Variants in SCRN3 observed in about 807,000 individuals in gnomAD.
SCRN3 encodes the protein secernin 3.
SCRN3 carries 39 observed loss-of-function variants against 43.1 expected under a neutral mutation model. The observed-to-expected ratio is 0.91, with a 90% CI of 0.70 to 1.18. The LOEUF is 1.18. SCRN3 is among the 50% of genes most tolerant of loss of function. SCRN3 has a pLI of 0.00. For synonymous variants in SCRN3, 147 were observed against 163.1 expected, an observed-to-expected ratio of 0.90 and a Z score of 0.75; for missense variants, 484 against 498.0, an observed-to-expected ratio of 0.97 and a Z score of 0.27.
Position 174,398,333 on chromosome 2 carries a change from T to C in SCRN3, c.50T>C (p.Val17Ala). The C allele has an allele frequency of 3.1e-6, 5 of 1,605,840 alleles. No homozygotes were observed. Among genetic ancestry groups the C allele is most frequent in the Non-Finnish European group, 4.2e-6 (5 of 1,177,236 alleles). ...DTFVALPPAT[V>A]DNRIIFGKNS... is the part of the protein sequence containing the mutation. ...TTCGTGGCATTACCTCCAGCAACAG[T>C]CGATAACAGGATTATTTTTGGAAAA... The change falls in exon 2 of 8, where the codon GTC becomes GCC. Residue 17 changes from valine (V) to alanine (A), a missense_variant. By Grantham distance (64) the Val-to-Ala change is moderately conservative. Coordinates refer to ENST00000272732, the MANE Select transcript of SCRN3 (RefSeq NM_024583.5).
intron 5 of SCRN3, among the ~76,000 whole-genome samples, chr2:174,414,100 G>A (rs951853552): frequency 6.6e-5 from 10 of 152,052 alleles, no homozygotes; most frequent in African/African-American, 2.4e-4. Flanking sequence ...TTTGTTAATT[G>A]TAAAGAGCCT....
chr2:174,417,668 C>A (rs950126911), intron 5 of SCRN3, among the ~76,000 whole-genome samples: 1 of 152,218 alleles, frequency 6.6e-6, no homozygotes, highest in Non-Finnish European at 1.5e-5. Flanking sequence ...GCTGGAATTA[C>A]AGGCGTCAGC....
At chr2:174,398,951 C>G (rs1339578558) in intron 2 of SCRN3, among the ~76,000 whole-genome samples, 1 of 152,148 alleles carries the variant, frequency 6.6e-6, no homozygotes, top group Non-Finnish European at 1.5e-5. Flanking sequence ...GGAAAGTCAT[C>G]CCAGACTTTA....
chr2:174,397,421 A>AGAG, intron 1 of SCRN3: 2 of 874,422 alleles, frequency 2.3e-6, no homozygotes, highest in Non-Finnish European at 2.7e-6. Context: ...TAGATATTAA[A>AGAG]GTATATAATT....
rs768272512 is a variant in SCRN3, at chr2:174,427,791, A to G, written c.1171A>G (p.Asn391Asp). The G allele has an allele frequency of 6.8e-6, 11 of 1,612,202 alleles. No homozygotes were observed. Among genetic ancestry groups the G allele is most frequent in the Non-Finnish European group, 8.5e-6 (10 of 1,178,606 alleles). Residue 391 changes from asparagine (N) to aspartate (D), a missense_variant, in exon 8 of 8, where the codon AAC (asparagine) becomes GAC (aspartate). Transcript: ENST00000272732. ...LFREMESILQ[N>D]KHLDVEKIVN... ...CAGAGAGATGGAATCAATCCTTCAA[A>G]ACAAGCATCTTGATGTGGAGAAAAT...
In SCRN3 at chr2:174,403,569, T is replaced by C. The variant is rs75211591; in HGVS notation, c.542-534T>C. Among the ~76,000 whole-genome samples the C allele has an allele frequency of 5.4e-4, 82 of 152,300 alleles. 1 individual carries two copies. In the East Asian group the frequency reaches 0.012, roughly 23 times the overall value. On this transcript the variant is annotated intron_variant, in intron 4 of 7. Coordinates refer to ENST00000272732, the MANE Select transcript of SCRN3 (RefSeq NM_024583.5). ...CTATTGATATATACAATAACATAGATGAATCTTTAGCGAATTGTGCTCAGT... is the reference window on the plus strand; with the variant it reads ...CTATTGATATATACAATAACATAGACGAATCTTTAGCGAATTGTGCTCAGT...
In SCRN3 at chr2:174,401,058, A is replaced by G; in HGVS notation, c.410A>G (p.Tyr137Cys). The G allele has an allele frequency of 3.7e-6, 6 of 1,613,876 alleles. No individual in the cohort carries two copies. The highest frequency in any genetic ancestry group is 1.3e-5 in the African/African-American group (1 of 75,046). Residue 137 changes from tyrosine to cysteine, a missense_variant, in exon 4 of 8, where the codon TAT becomes TGT. Coordinates refer to ENST00000272732, the MANE Select transcript of SCRN3 (RefSeq NM_024583.5). Reference sequence around the variant, plus strand: ...GTCATTGTTGACTTACTAGAAAAATATGGCCAGGGTGGAAATTGCACAGAG... The same window carrying G: ...GTCATTGTTGACTTACTAGAAAAATGTGGCCAGGGTGGAAATTGCACAGAG... ...LNVIVDLLEK[Y>C]GQGGNCTEGR...
intron 7 of SCRN3, among the ~76,000 whole-genome samples, chr2:174,427,065 C>T (rs945713494): frequency 9.2e-5 from 14 of 151,994 alleles, no homozygotes; most frequent in African/African-American, 2.9e-4. Flanking sequence ...CTCCTGACCT[C>T]GTGATCCACC....
rs1685485516 is a variant in SCRN3 at position 174,400,907 on chromosome 2, T to TA, written c.342-77dup. On this transcript the variant is annotated intron_variant, in intron 3 of 7. Coordinates refer to ENST00000272732, the MANE Select transcript of SCRN3 (RefSeq NM_024583.5). ...CTTGGAAGAAATTTTACTTTGAATCTAAAAAATCTCATGAGCATGAAATTA... is the reference window on the plus strand; with the variant it reads ...CTTGGAAGAAATTTTACTTTGAATCTAAAAAAATCTCATGAGCATGAAATTA... The TA allele has an allele frequency of 3.4e-6, 4 of 1,193,074 alleles. No homozygotes were observed. The Admixed American group carries it at 8.5e-5, about 25-fold the overall frequency. 73.9% of individuals were successfully genotyped at this position (1,193,074 alleles called of 1,614,324 possible).
At chr2:174,423,086 G>T in intron 6 of SCRN3, 39 bp downstream of exon 6, 2 of 1,557,004 alleles carry the variant, frequency 1.3e-6, no homozygotes, top group Non-Finnish European at 1.8e-6. Flanking sequence ...AAGGGGTCAG[G>T]GGATGGAGTA....
At chr2:174,420,681 A>T (rs537490219) in intron 5 of SCRN3, among the ~76,000 whole-genome samples, 1 of 152,324 alleles carries the variant, frequency 6.6e-6, no homozygotes, top group East Asian at 1.9e-4. Flanking sequence ...GAAATTAAGA[A>T]TCCAATAGAT....
At chr2:174,420,815 T>C (rs918916633) in intron 5 of SCRN3, among the ~76,000 whole-genome samples, 7 of 151,976 alleles carry the variant, frequency 4.6e-5, no homozygotes, top group African/African-American at 9.7e-5. Context: ...CTGAGAAGCA[T>C]GTATAGGACT....
chr2:174,400,773 C>T (rs1445840181), intron 3 of SCRN3, among the ~76,000 whole-genome samples: 3 of 152,098 alleles, frequency 2.0e-5, no homozygotes, highest in Admixed American at 6.5e-5. Context: ...CAGTGAATTA[C>T]CAACTTCGAA....
intron 7 of SCRN3, among the ~76,000 whole-genome samples, chr2:174,426,471 T>G (rs1559086062): frequency 6.6e-6 from 1 of 152,132 alleles, no homozygotes; most frequent in Non-Finnish European, 1.5e-5. Context: ...TGGTTCAAAT[T>G]TTAAAAATTA....
chr2:174,413,733 G>A (rs1462649530), intron 5 of SCRN3, among the ~76,000 whole-genome samples: 1 of 151,806 alleles, frequency 6.6e-6, no homozygotes, highest in Non-Finnish European at 1.5e-5. Context: ...TGGGACTACA[G>A]GCACATGTCA....
rs561801730 is a variant in SCRN3, at chr2:174,417,298, A to G, written c.755-5587A>G. On this transcript the variant is annotated intron_variant, in intron 5 of 7. Transcript: ENST00000272732. ...GGAACTCAAAATTTAAAAAAAGAAA[A>G]AAAAAGTAGATCAGGAGTAGCTGTT... is the stretch of plus-strand genomic sequence containing the variant. 2.6e-5 allele frequency among the ~76,000 whole-genome samples: 4 copies of G among 152,340 alleles called. No homozygotes were observed. The East Asian group carries it at 7.7e-4, about 29-fold the overall frequency.
chr2:174,401,082 A>G lies in SCRN3; in HGVS notation c.434A>G (p.Glu145Gly), dbSNP rs367602782. 1.2e-6 allele frequency: 2 copies of G among 1,613,854 alleles called. No homozygotes were observed. Reference sequence around the variant, plus strand: ...TATGGCCAGGGTGGAAATTGCACAGAGGGTAGAATGGTATTTAGCTATCAC... The same window carrying G: ...TATGGCCAGGGTGGAAATTGCACAGGGGGTAGAATGGTATTTAGCTATCAC... ...EKYGQGGNCT[E>G]GRMVFSYHNS... Residue 145 changes from glutamate (E) to glycine (G), a missense_variant, in exon 4 of 8, where the codon GAG (glutamate) becomes GGG (glycine). By Grantham distance (98) the Glu-to-Gly change is moderately conservative. Coordinates refer to ENST00000272732, the MANE Select transcript of SCRN3 (RefSeq NM_024583.5).
At chr2:174,424,410 CTT>C (rs1686407147) in intron 6 of SCRN3, 63 bp from the exon 7 acceptor site, 1 of 1,161,856 alleles carries the variant, frequency 8.6e-7, no homozygotes, top group African/African-American at 1.6e-5. Context: ...TCTTAGAAGA[CTT>C]AGACTAACAC....
Position 174,411,178 on chromosome 2 carries a change from T to C in SCRN3, c.754+6863T>C, listed in dbSNP as rs1244073027. Among the ~76,000 whole-genome samples, 3 of 152,186 alleles carry C rather than the reference T, an allele frequency of 2.0e-5. No homozygotes were observed. The East Asian group carries it at 5.8e-4, about 29-fold the overall frequency. ...TCTCAGCCACATTTATTTTGTGGGC[T>C]CACCTGGAGCTACCTGGTGAGGAAC... On this transcript the variant is annotated intron_variant, in intron 5 of 7. Coordinates refer to ENST00000272732, the MANE Select transcript of SCRN3 (RefSeq NM_024583.5).
Sources: gnomAD v4.1 joint callset for allele counts (sites outside exome capture counted in the v4.1 genomes callset) on GRCh38, gnomAD v4.1.1 for gene constraint, MANE v1.5 for transcripts, NCBI Gene and HGNC (gene_info 2026-07-23, HGNC 2026-07-21) for gene names.